Variants in EYA4 observed in about 807,000 individuals in gnomAD.
The protein encoded by EYA4 is protein phosphatase EYA4.
In EYA4, 31 loss-of-function variants were observed where a neutral mutation model predicts 87.9. The ratio of observed to expected loss-of-function variants is 0.35; its 90% CI spans 0.27 to 0.48. The LOEUF (loss-of-function observed/expected upper bound fraction) is 0.48, where lower values mean the gene tolerates loss of function less well. Ranked by LOEUF, EYA4 falls within the 20% of genes least tolerant of loss-of-function variation. The probability of loss-of-function intolerance (pLI) is 0.99; values close to 1 mark genes in which losing one functional copy is unlikely to be tolerated. For synonymous variants in EYA4, 263 were observed against 270.6 expected (o/e 0.97, Z 0.28); for missense variants, 678 against 761.4 (o/e 0.89, Z 1.29).
intron 2 of EYA4, among the ~76,000 whole-genome samples, chr6:133,361,098 A>T (rs1019581810): frequency 1.3e-5 from 2 of 152,174 alleles, no homozygotes; most frequent in Non-Finnish European, 2.9e-5. Flanking sequence ...TGGCCTACTT[A>T]TCACAATGGG....
At chr6:133,483,543 A>G (rs1796412287) in intron 13 of EYA4, among the ~76,000 whole-genome samples, 2 of 151,922 alleles carry the variant, frequency 1.3e-5, no homozygotes, top group African/African-American at 2.4e-5. Context: ...GGATTTATGA[A>G]TGAGTGTTTT....
At chr6:133,249,112 G>A (rs1270381261) in intron 1 of EYA4, among the ~76,000 whole-genome samples, 2 of 152,082 alleles carry the variant, frequency 1.3e-5, no homozygotes, top group Admixed American at 6.6e-5. Flanking sequence ...AAATTAGAGT[G>A]GGATGGATAG....
At chr6:133,403,942 G>A (rs574406170) in intron 3 of EYA4, among the ~76,000 whole-genome samples, 2 of 152,198 alleles carry the variant, frequency 1.3e-5, no homozygotes, top group Admixed American at 1.3e-4. Context: ...TCACGAGTAC[G>A]TGGGATTACA....
intron 2 of EYA4, among the ~76,000 whole-genome samples, chr6:133,326,899 C>A (rs1781542650): frequency 6.6e-6 from 1 of 152,140 alleles, no homozygotes. Context: ...ACTGGCCTGA[C>A]CCAAACCTCT....
chr6:133,427,167 G>A (rs1476723397), intron 3 of EYA4, among the ~76,000 whole-genome samples: 1 of 152,184 alleles, frequency 6.6e-6, no homozygotes, highest in Non-Finnish European at 1.5e-5. Context: ...AAAGCACTTT[G>A]AAGAAAGTAT....
chr6:133,446,411 A>T, intron 3 of EYA4, among the ~76,000 whole-genome samples: 1 of 152,218 alleles, frequency 6.6e-6, no homozygotes, highest in Non-Finnish European at 1.5e-5. Flanking sequence ...CAAACCGGTT[A>T]TGAGGCTTAA....
intron 2 of EYA4, among the ~76,000 whole-genome samples, chr6:133,276,987 T>C (rs1375698159): frequency 1.3e-5 from 2 of 152,150 alleles, no homozygotes; most frequent in African/African-American, 4.8e-5. Flanking sequence ...TATATGATTC[T>C]AAATTTTGTG....
intron 3 of EYA4, among the ~76,000 whole-genome samples, chr6:133,426,048 A>T (rs529372170): frequency 6.6e-6 from 1 of 150,966 alleles, no homozygotes; most frequent in African/African-American, 2.5e-5. Flanking sequence ...ATGTTTCGCC[A>T]ACTTTGACCA....
intron 3 of EYA4, among the ~76,000 whole-genome samples, chr6:133,426,703 C>CCATA (rs1379619911): frequency 1.3e-4 from 20 of 152,164 alleles, no homozygotes; most frequent in African/African-American, 4.8e-4. Context: ...TCCCACTTGC[C>CCATA]CATAACAAGC....
At chr6:133,316,919 T>TGCATAGAAGCCTAGCTTA (rs1780672316) in intron 2 of EYA4, among the ~76,000 whole-genome samples, 1 of 152,212 alleles carries the variant, frequency 6.6e-6, no homozygotes, top group African/African-American at 2.4e-5. Context: ...TCCTTTGGCC[T>TGCATAGAAGCCTAGCTTA]GCATAGAAGC....
intron 2 of EYA4, among the ~76,000 whole-genome samples, chr6:133,363,974 C>A (rs1001765691): frequency 6.6e-6 from 1 of 152,188 alleles, no homozygotes; most frequent in African/African-American, 2.4e-5. Flanking sequence ...GCCTGATTCA[C>A]CAAGGTTCCC....
chr6:133,526,378 T>A (rs1296835279), intron 19 of EYA4, among the ~76,000 whole-genome samples: 2 of 152,200 alleles, frequency 1.3e-5, no homozygotes, highest in African/African-American at 2.4e-5. Flanking sequence ...CTGGAATGTT[T>A]ACCTGTTTTC....
At chr6:133,394,290 T>TTTTTGG (rs1562369191) in intron 3 of EYA4, among the ~76,000 whole-genome samples, 2 of 31,502 alleles carry the variant, frequency 6.3e-5, no homozygotes, top group African/African-American at 1.2e-4. Flanking sequence ...TTGTGTTTTT[T>TTTTTGG]TTTTTTTTTT....
chr6:133,436,470 A>G (rs1791693430), intron 3 of EYA4, among the ~76,000 whole-genome samples: 1 of 152,172 alleles, frequency 6.6e-6, no homozygotes, highest in Non-Finnish European at 1.5e-5. Flanking sequence ...ATTAGCACCC[A>G]CTAAATATAC....
At chr6:133,335,109 CT>C (rs1782266899) in intron 2 of EYA4, among the ~76,000 whole-genome samples, 1 of 152,064 alleles carries the variant, frequency 6.6e-6, no homozygotes, top group Non-Finnish European at 1.5e-5. Context: ...TGGAAGAGGC[CT>C]TTTTGCATTT....
chr6:133,302,912 A>T (rs1368734982), intron 2 of EYA4, among the ~76,000 whole-genome samples: 1 of 152,164 alleles, frequency 6.6e-6, no homozygotes, highest in Non-Finnish European at 1.5e-5. Context: ...TTTTTCTTTA[A>T]CAAGACAGAA....
chr6:133,414,462 T>C (rs188559660), intron 3 of EYA4, among the ~76,000 whole-genome samples: 40 of 152,244 alleles, frequency 2.6e-4, no homozygotes, highest in Admixed American at 1.9e-3. Context: ...TTACCTTTAC[T>C]AGACTTTGAG....
intron 2 of EYA4, among the ~76,000 whole-genome samples, chr6:133,356,041 AAGAGAGAAAGAGAGAAAG>A (rs1783997458): frequency 7.6e-6 from 1 of 131,638 alleles, no homozygotes; most frequent in African/African-American, 3.3e-5. Flanking sequence ...GAGAGAGAGA[AAGAGAGAAAGAGAGAAAG>A]AGAGAGAGAG....
At chr6:133,445,876 G>T (rs112524102) in intron 3 of EYA4, among the ~76,000 whole-genome samples, 2,032 of 152,234 alleles carry the variant, frequency 0.013, 41 homozygotes, top group African/African-American at 0.046. Flanking sequence ...CACCGCGCCC[G>T]GCCTCTAGTT....
Sources: allele counts gnomAD v4.1 joint callset (sites outside exome capture counted in the v4.1 genomes callset), GRCh38; gene constraint gnomAD v4.1.1; transcripts MANE v1.5; gene names NCBI Gene and HGNC (gene_info 2026-07-23, HGNC 2026-07-21).